CCDC88A: variants seen among roughly 807,000 people sequenced by gnomAD.
CCDC88A encodes the protein coiled-coil and HOOK domain protein 88A.
In CCDC88A, 54 loss-of-function variants were observed where a neutral mutation model predicts 234.3. That is an observed-to-expected ratio of 0.23 (90% CI 0.19 to 0.29). CCDC88A has a LOEUF of 0.29. Among genes scored for constraint, CCDC88A ranks in the 10% least tolerant of loss-of-function variants. The probability of loss-of-function intolerance (pLI) is 1.00; values close to 1 mark genes in which losing one functional copy is unlikely to be tolerated. For missense variants in CCDC88A, 1,832 were observed against 2,123.4 expected (o/e 0.86, Z 2.70); for synonymous variants, 753 against 737.8 (o/e 1.02, Z -0.33).
At position 55,384,653 on chromosome 2, in the gene CCDC88A, A is replaced by G. The variant is rs529075442; in HGVS notation, c.273+4125T>C. On this transcript the variant is annotated intron_variant, in intron 3 of 32. Transcript: ENST00000436346. ...TATGTATATATGTGTATATATACAT[A>G]TATATATATATATATTTTTTAAAGA... Among the ~76,000 whole-genome samples the G allele has an allele frequency of 1.3e-3, 5 of 3,968 alleles. 2 individuals carry two copies. Among genetic ancestry groups the G allele is most frequent in the African/African-American group, 9.4e-3 (4 of 426 alleles). 2.6% of individuals were successfully genotyped at this position (3,968 alleles called of 152,430 possible).
intron 5 of CCDC88A, among the ~76,000 whole-genome samples, chr2:55,370,803 T>C (rs1238823331): frequency 6.7e-6 from 1 of 149,892 alleles, no homozygotes; most frequent in African/African-American, 2.5e-5. Flanking sequence ...AGGTCAAGAG[T>C]TTGAAACCAG....
At chr2:55,405,669 G>C (rs1679428088) in intron 2 of CCDC88A, 1 of 152,276 alleles carries the variant, frequency 6.6e-6, no homozygotes, top group African/African-American at 2.4e-5. Context: ...CCTCCTGTCA[G>C]ACTGGCGGCA....
intron 7 of CCDC88A, among the ~76,000 whole-genome samples, chr2:55,358,082 A>T (rs1670828159): frequency 1.3e-5 from 2 of 152,112 alleles, no homozygotes; most frequent in South Asian, 4.1e-4. Context: ...CTCAGCCTGG[A>T]ATTATAATTA....
chr2:55,400,357 G>C (rs1678399887), intron 2 of CCDC88A, among the ~76,000 whole-genome samples: 1 of 152,094 alleles, frequency 6.6e-6, no homozygotes, highest in Non-Finnish European at 1.5e-5. Context: ...ACAATTTCAA[G>C]TCAACCATCT....
At chr2:55,296,853 A>G (rs553918023) in intron 29 of CCDC88A, 1 of 197,594 alleles carries the variant, frequency 5.1e-6, no homozygotes, top group Non-Finnish European at 1.0e-5. Context: ...AAATAAGTGA[A>G]TAATATATTT....
intron 3 of CCDC88A, among the ~76,000 whole-genome samples, chr2:55,375,225 T>C (rs905225379): frequency 6.6e-6 from 1 of 151,784 alleles, no homozygotes; most frequent in South Asian, 2.1e-4. Flanking sequence ...CAAATAATAA[T>C]AAAAAAGCTT....
intron 17 of CCDC88A, chr2:55,323,596 T>C (rs1320075080): frequency 6.6e-6 from 1 of 152,242 alleles, no homozygotes; most frequent in Non-Finnish European, 1.5e-5. Flanking sequence ...AGTGGCATCA[T>C]TTCTAGTCTC....
chr2:55,416,484 A>ATATATATATATG (rs1558860400), intron 2 of CCDC88A, among the ~76,000 whole-genome samples: 4 of 80,108 alleles, frequency 5.0e-5, no homozygotes, highest in African/African-American at 8.3e-5. Flanking sequence ...ATATATATAT[A>ATATATATATATG]TATGTATATA....
At position 55,346,229 on chromosome 2, in the gene CCDC88A, G is replaced by A. The variant is rs752051855; in HGVS notation, c.987C>T (p.Val329=). 5 of 1,610,990 alleles carry A rather than the reference G, an allele frequency of 3.1e-6. No homozygotes were observed. Among genetic ancestry groups the A allele is most frequent in the Non-Finnish European group, 3.4e-6 (4 of 1,177,896 alleles). ...CATGTAGTCTCTCTTTATATCTGCT[G>A]ACTTCACTTTCAAGCTTATCGACTC... ...AVRVDKLESE[V]SRYKERLHDI... is the part of the protein sequence containing the mutation. The change falls in exon 10 of 33, where the codon GTC becomes GTT. Residue 329 remains valine, a synonymous_variant. Coordinates refer to ENST00000436346, the MANE Select transcript of CCDC88A (RefSeq NM_001365480.1).
intron 2 of CCDC88A, among the ~76,000 whole-genome samples, chr2:55,399,213 A>C (rs1432277481): frequency 6.6e-6 from 1 of 152,112 alleles, no homozygotes; most frequent in Non-Finnish European, 1.5e-5. Flanking sequence ...TATGGGCTAA[A>C]TAACAGAAGA....
At chr2:55,355,066 T>C (rs1415021376) in intron 8 of CCDC88A, among the ~76,000 whole-genome samples, 1 of 151,056 alleles carries the variant, frequency 6.6e-6, no homozygotes, top group Non-Finnish European at 1.5e-5. Context: ...TGAAATGTCG[T>C]TATGTGGCAC....
At chr2:55,294,969 G>T in intron 31 of CCDC88A, 1 of 1,196,008 alleles carries the variant, frequency 8.4e-7, no homozygotes, top group Non-Finnish European at 1.1e-6. Flanking sequence ...TAAAAACCTA[G>T]CCAAATGATA....
chr2:55,327,776 A>C (rs1684451619), intron 17 of CCDC88A, among the ~76,000 whole-genome samples: 1 of 152,254 alleles, frequency 6.6e-6, no homozygotes, highest in Non-Finnish European at 1.5e-5. Flanking sequence ...TAGGGAAAAT[A>C]AACAGTTGCC....
chr2:55,289,784 AG>A lies in CCDC88A; in HGVS notation c.*1415del, dbSNP rs1679320511. 1.4e-5 allele frequency: 2 copies of A among 141,972 alleles called. No individual in the cohort carries two copies. The highest frequency in any genetic ancestry group is 3.2e-5 in the Non-Finnish European group (2 of 62,542). The allele number at this position is 141,972 out of a possible 1,614,324, so 8.8% of individuals were successfully genotyped here. The stretch of plus-strand genomic sequence containing the variant: ...GAAAGAGGGAGAGAGAAAGAGAGAG[AG>A]AGAGAGAGAGAGAGAGAGACTTTTC... On this transcript the variant is annotated 3_prime_UTR_variant, in exon 33 of 33. Coordinates refer to ENST00000436346, the MANE Select transcript of CCDC88A (RefSeq NM_001365480.1).
At chr2:55,399,831 T>C (rs1423769328) in intron 2 of CCDC88A, 1 of 120,510 alleles carries the variant, frequency 8.3e-6, no homozygotes, top group Non-Finnish European at 1.8e-5. Flanking sequence ...GCATAAACCA[T>C]AAGAAAAGAA....
intron 3 of CCDC88A, among the ~76,000 whole-genome samples, chr2:55,384,487 TA>T (rs1358918550): frequency 7.6e-6 from 1 of 130,850 alleles, no homozygotes; most frequent in African/African-American, 3.1e-5. Flanking sequence ...TTTAATTATA[TA>T]TTTAATTATA....
At chr2:55,320,272 T>C (rs1052438087) in intron 18 of CCDC88A, among the ~76,000 whole-genome samples, 2 of 152,106 alleles carry the variant, frequency 1.3e-5, no homozygotes, top group Non-Finnish European at 2.9e-5. Flanking sequence ...AGAAACTAAA[T>C]TGTACAAGCT....
chr2:55,380,041 T>C (rs1256734657), intron 3 of CCDC88A, among the ~76,000 whole-genome samples: 1 of 120,460 alleles, frequency 8.3e-6, no homozygotes, highest in East Asian at 2.3e-4. Context: ...CTGACCAGGA[T>C]GGCAAAGCCC....
intron 2 of CCDC88A, among the ~76,000 whole-genome samples, chr2:55,414,026 C>T (rs148897203): frequency 1.1e-4 from 17 of 151,796 alleles, no homozygotes; most frequent in Admixed American, 1.1e-3. Flanking sequence ...TCTGAAGTCC[C>T]TTCAAACCCA....
Sources: allele counts gnomAD v4.1 joint callset (sites outside exome capture counted in the v4.1 genomes callset), GRCh38; gene constraint gnomAD v4.1.1; transcripts MANE v1.5; gene names NCBI Gene and HGNC (gene_info 2026-07-23, HGNC 2026-07-21).